Variants in IFI44L observed in about 807,000 individuals in gnomAD.
The protein encoded by IFI44L is interferon-induced protein 44-like.
Under a neutral mutation model 39.3 loss-of-function variants are expected in IFI44L, and 40 were observed. The observed-to-expected ratio is 1.02, with a 90% CI of 0.79 to 1.33. The LOEUF (loss-of-function observed/expected upper bound fraction) is 1.33. IFI44L is among the 40% of genes most tolerant of loss of function. IFI44L has a pLI of 0.00. For synonymous variants in IFI44L, 198 were observed against 182.3 expected (o/e 1.09, Z -0.69); for missense variants, 623 against 549.0 (o/e 1.13, Z -1.35).
At chr1:78,639,009 G>T (rs990397082) in intron 6 of IFI44L, among the ~76,000 whole-genome samples, 2 of 152,074 alleles carry the variant, frequency 1.3e-5, no homozygotes, top group South Asian at 4.1e-4. Flanking sequence ...GGCCTTGTTT[G>T]ACACCCTTGG....
In IFI44L at chr1:78,637,137, A is replaced by G; in HGVS notation, c.982A>G (p.Ile328Val). 6.2e-7 allele frequency: 1 copy of G among 1,609,046 alleles called. No individual in the cohort carries two copies. ...GGCTTATGTCTTAGACATCAACTCT[A>G]TTGACAATCTCTACTCTAAAATGTT... ...CVAYVLDINS[I>V]DNLYSKMLAK... is the part of the protein sequence containing the mutation. Residue 328 changes from isoleucine to valine, a missense_variant, in exon 6 of 9, where the codon ATT (isoleucine) becomes GTT (valine). Coordinates refer to ENST00000370751, the MANE Select transcript of IFI44L (RefSeq NM_006820.4).
chr1:78,626,793 G>A (rs1410057254), intron 1 of IFI44L: 1 of 151,788 alleles, frequency 6.6e-6, no homozygotes, highest in South Asian at 2.1e-4. Flanking sequence ...CTCAAGTAGT[G>A]TACATTGTAT....
At chr1:78,624,205 A>T (rs2100472718) in intron 1 of IFI44L, among the ~76,000 whole-genome samples, 1 of 152,232 alleles carries the variant, frequency 6.6e-6, no homozygotes, top group East Asian at 1.9e-4. Context: ...CGTATTGGCC[A>T]GGCTGGTCTC....
At chr1:78,628,561 G>C (rs1226893198) in intron 2 of IFI44L, 168 bp downstream of exon 2, 1 of 588,568 alleles carries the variant, frequency 1.7e-6, no homozygotes, top group African/African-American at 1.9e-5. Flanking sequence ...GGATTATGAG[G>C]TTTTTATCCA....
rs144288105 is a variant in IFI44L, at chr1:78,625,442, A to G, written c.-10-2464A>G. ...ATTTTACAAAGTTGTTTATCTTCAG[A>G]CCATTTTATCGTTTATCATTTATTG... On this transcript the variant is annotated intron_variant, in intron 1 of 8. Transcript: ENST00000370751. Among the ~76,000 whole-genome samples the G allele has an allele frequency of 7.2e-5, 11 of 152,168 alleles. No homozygotes were observed. In the East Asian group the frequency reaches 2.1e-3, roughly 29 times the overall value.
At chr1:78,625,848 T>G (rs1193936775) in intron 1 of IFI44L, 2 of 152,006 alleles carry the variant, frequency 1.3e-5, no homozygotes, top group Admixed American at 1.3e-4. Flanking sequence ...TGTCATTTAA[T>G]TAAATTTCAT....
intron 4 of IFI44L, among the ~76,000 whole-genome samples, chr1:78,632,264 T>A (rs1652777559): frequency 6.6e-6 from 1 of 152,204 alleles, no homozygotes; most frequent in Admixed American, 6.5e-5. Context: ...TGACAGTGTT[T>A]GTTGCCAATA....
Position 78,645,937 on chromosome 1 carries a change from T to G in IFI44L, c.*4128T>G, listed in dbSNP as rs1001591845. On this transcript the variant is annotated 3_prime_UTR_variant, in exon 9 of 9. Transcript: ENST00000370751. ...ACAATTCAAACAAATAGACTCAGAC[T>G]GTTTCAGGCTCCAGGACAGGAAGTG... 3 of 152,118 alleles carry G rather than the reference T, an allele frequency of 2.0e-5. No individual in the cohort carries two copies. The highest frequency in any genetic ancestry group is 4.4e-5 in the Non-Finnish European group (3 of 68,030). 9.4% of individuals were successfully genotyped at this position (152,118 alleles called of 1,614,324 possible). A position where few individuals can be genotyped will look rare whatever the true frequency, so the allele number is the denominator to read the frequency against.
At chr1:78,630,075 T>C in intron 4 of IFI44L, 160 bp downstream of exon 4, 1 of 671,042 alleles carries the variant, frequency 1.5e-6, no homozygotes. Flanking sequence ...CATTGTGCTA[T>C]ATTATACAGA....
Position 78,641,615 on chromosome 1 carries a change from C to G in IFI44L, c.1324+6C>G. 6.2e-7 allele frequency: 1 copy of G among 1,613,036 alleles called. No homozygotes were observed. Among genetic ancestry groups the G allele is most frequent in the East Asian group, 2.2e-5 (1 of 44,860 alleles). On this transcript the variant is annotated splice_donor_region_variant and intron_variant, in intron 8 of 8. Coordinates refer to ENST00000370751, the MANE Select transcript of IFI44L (RefSeq NM_006820.4). Reference sequence around the variant, plus strand: ...TTTGCCTCTTGAGGAAACTGGTAATCTGGCCCTTTTCTCCCCCTGTCATAG... The same window carrying G: ...TTTGCCTCTTGAGGAAACTGGTAATGTGGCCCTTTTCTCCCCCTGTCATAG...
In IFI44L at chr1:78,638,711, C is replaced by G. The variant is rs183330007; in HGVS notation, c.1048+1508C>G. On this transcript the variant is annotated intron_variant, in intron 6 of 8. Transcript: ENST00000370751. ...CTTTGCTGAGACATCCCACTTCCTT[C>G]ATTTGTTTCAAGAATGTTCCTACTT... 9.7e-4 allele frequency among the ~76,000 whole-genome samples: 147 copies of G among 152,166 alleles called. 2 individuals are homozygous for G. Among genetic ancestry groups the G allele is most frequent in the African/African-American group, 3.3e-3 (135 of 41,534 alleles).
In IFI44L at chr1:78,628,265, C is replaced by G. The variant is rs370772828; in HGVS notation, c.350C>G (p.Ser117Trp). 41 of 1,609,958 alleles carry G rather than the reference C, an allele frequency of 2.5e-5. No individual in the cohort carries two copies. The highest frequency in any genetic ancestry group is 3.3e-5 in the Non-Finnish European group (39 of 1,177,390). The change falls in exon 2 of 9, where the codon TCG (serine) becomes TGG (tryptophan). Residue 117 changes from serine to tryptophan, a missense_variant. Physicochemically the swap from Ser to Trp is radical, Grantham distance 177. Coordinates refer to ENST00000370751, the MANE Select transcript of IFI44L (RefSeq NM_006820.4). Reference protein sequence around the residue: ...IIDEQLVCRLSKTDIFIICRD... With the variant: ...IIDEQLVCRLWKTDIFIICRD... The stretch of plus-strand genomic sequence containing the variant: ...GATGAGCAACTGGTGTGTCGTTTAT[C>G]GAAAACGGATATTTTCATTATATGT...
Position 78,629,836 on chromosome 1 carries a change from A to C in IFI44L, c.644A>C (p.Asn215Thr), listed in dbSNP as rs371529821. The part of the protein sequence containing the change: ...PVGSGKSSFF[N>T]SVKSIFHGHV... ...GGGTCTGGAAAGTCCAGTTTTTTCA[A>C]TTCAGTCAAGTCTATTTTTCATGGC... The change falls in exon 4 of 9, where the codon AAT becomes ACT. Residue 215 changes from asparagine (N) to threonine (T), a missense_variant. Asn to Thr is a moderately conservative substitution (Grantham distance 65, BLOSUM62 0). Transcript: ENST00000370751. The C allele has an allele frequency of 1.9e-6, 3 of 1,613,754 alleles. No homozygotes were observed. The East Asian group carries it at 6.7e-5, about 36-fold the overall frequency.
At chr1:78,634,979 C>T (rs533662024) in intron 4 of IFI44L, among the ~76,000 whole-genome samples, 1 of 146,664 alleles carries the variant, frequency 6.8e-6, no homozygotes, top group East Asian at 2.0e-4. Flanking sequence ...GGAGTCAAAA[C>T]ATACCATTAT....
In IFI44L at chr1:78,637,139, T is replaced by C. The variant is rs1476884849; in HGVS notation, c.984T>C (p.Ile328=). 2 of 1,609,248 alleles carry C rather than the reference T, an allele frequency of 1.2e-6. No individual in the cohort carries two copies. The highest frequency in any genetic ancestry group is 1.1e-5 in the South Asian group (1 of 90,058). The change falls in exon 6 of 9, where the codon ATT becomes ATC. Residue 328 remains isoleucine, a synonymous_variant. Coordinates refer to ENST00000370751, the MANE Select transcript of IFI44L (RefSeq NM_006820.4). ...CTTATGTCTTAGACATCAACTCTAT[T>C]GACAATCTCTACTCTAAAATGTTGG... ...CVAYVLDINS[I]DNLYSKMLAK...
In IFI44L at chr1:78,629,896, T is replaced by C. The variant is rs987495; in HGVS notation, c.704T>C (p.Ile235Thr). 385,115 of 1,612,282 alleles carry C rather than the reference T, an allele frequency of 0.24. 46,986 individuals carry two copies. Among genetic ancestry groups the C allele is most frequent in the Middle Eastern group, 0.27 (1,619 of 6,050 alleles). Residue 235 changes from isoleucine (I) to threonine (T), a missense_variant, in exon 4 of 9, where the codon ATC becomes ACC. Ile to Thr is a moderately conservative substitution (Grantham distance 89, BLOSUM62 -1). Coordinates refer to ENST00000370751, the MANE Select transcript of IFI44L (RefSeq NM_006820.4). The part of the protein sequence containing the change: ...VTGQAVVGSD[I>T]TSITERYRIY... ...GGCCAAGCCGTAGTGGGGTCTGATATCACCAGCATAACCGAGCGGGTAAGT... is the reference window on the plus strand; with the variant it reads ...GGCCAAGCCGTAGTGGGGTCTGATACCACCAGCATAACCGAGCGGGTAAGT...
rs199785880 is a variant in IFI44L at position 78,643,652 on chromosome 1, G to GTTTTTTTTTT, written c.*1849_*1858dup. ...TTTGTTTTGTTTTTTTTTTGTTGTT[G>GTTTTTTTTTT]TTTTTTTTTTTTTTTGTTTTTTTGC... On this transcript the variant is annotated 3_prime_UTR_variant, in exon 9 of 9. Transcript: ENST00000370751. 3.1e-5 allele frequency: 3 copies of GTTTTTTTTTT among 95,906 alleles called. No individual in the cohort carries two copies. The highest frequency in any genetic ancestry group is 5.1e-5 in the Non-Finnish European group (2 of 39,260). The allele number at this position is 95,906 out of a possible 1,614,324, so 5.9% of individuals were successfully genotyped here. A position where few individuals can be genotyped will look rare whatever the true frequency, so the allele number is the denominator to read the frequency against.
chr1:78,620,816 C>T (rs1001408597), intron 1 of IFI44L: 1 of 151,994 alleles, frequency 6.6e-6, no homozygotes, highest in African/African-American at 2.4e-5. Flanking sequence ...GAACTTATTC[C>T]TTCTATGTAG....
Position 78,641,576 on chromosome 1 carries a change from G to A in IFI44L, c.1291G>A (p.Asp431Asn). ...ALRQMLRAAD[D>N]FLEDLPLEET... The stretch of plus-strand genomic sequence containing the variant: ...GAGGCAGATGCTGCGGGCTGCAGAT[G>A]ATTTTTTAGAAGATTTGCCTCTTGA... The change falls in exon 8 of 9, where the codon GAT becomes AAT. Residue 431 changes from aspartate to asparagine, a missense_variant. Coordinates refer to ENST00000370751, the MANE Select transcript of IFI44L (RefSeq NM_006820.4). 1 of 1,613,618 alleles carries A rather than the reference G, an allele frequency of 6.2e-7. No individual in the cohort carries two copies. The highest frequency in any genetic ancestry group is 8.5e-7 in the Non-Finnish European group (1 of 1,179,652).
Sources: gnomAD v4.1 joint callset for allele counts (sites outside exome capture counted in the v4.1 genomes callset) on GRCh38, gnomAD v4.1.1 for gene constraint, MANE v1.5 for transcripts, NCBI Gene and HGNC (gene_info 2026-07-23, HGNC 2026-07-21) for gene names.